EIF3F: variants seen among roughly 807,000 people sequenced by gnomAD.
EIF3F encodes the protein deubiquitinating enzyme eIF3f.
Under a neutral mutation model 36.0 loss-of-function variants are expected in EIF3F, and 8 were observed. That is an observed-to-expected ratio of 0.22 (90% CI 0.13 to 0.40). The LOEUF is 0.40. Among genes scored for constraint, EIF3F ranks in the 10% least tolerant of loss-of-function variants. EIF3F has a pLI of 1.00. For missense variants in EIF3F, 430 were observed against 467.6 expected, an observed-to-expected ratio of 0.92 and a Z score of 0.74; for synonymous variants, 184 against 188.5, an observed-to-expected ratio of 0.98 and a Z score of 0.19.
At chr11:7,987,863 A>G (rs1254348972) in intron 1 of EIF3F, 147 bp downstream of exon 1, 1 of 1,213,800 alleles carries the variant, frequency 8.2e-7, no homozygotes, top group Non-Finnish European at 1.1e-6. Flanking sequence ...TCTGCATCCT[A>G]CCTTTTGCTG....
At position 7,996,621 on chromosome 11, in the gene EIF3F, T is replaced by C. The variant is rs1009947633; in HGVS notation, c.*599T>C. On this transcript the variant is annotated 3_prime_UTR_variant, in exon 8 of 8. Coordinates refer to ENST00000651655, the MANE Select transcript of EIF3F (RefSeq NM_003754.3). ...AACTCGAGGATAGAGCCTTGAGTTA[T>C]ACTGAGGTCTGCCAGTGGCTCAATT... 6.6e-6 allele frequency: 1 copy of C among 152,372 alleles called. No homozygotes were observed. Among genetic ancestry groups the C allele is most frequent in the Non-Finnish European group, 1.5e-5 (1 of 68,176 alleles). The allele number at this position is 152,372 out of a possible 1,614,324, so 9.4% of individuals were successfully genotyped here.
rs949716733 is a variant in EIF3F at position 8,001,819 on chromosome 11, A to C, written c.*5797A>C. 2.0e-5 allele frequency: 3 copies of C among 152,050 alleles called. No individual in the cohort carries two copies. The highest frequency in any genetic ancestry group is 7.2e-5 in the African/African-American group (3 of 41,424). 9.4% of individuals were successfully genotyped at this position (152,050 alleles called of 1,614,324 possible). A position where few individuals can be genotyped will look rare whatever the true frequency, so the allele number is the denominator to read the frequency against. ...TTTTATGCTGTTAATGTAATTTTTC[A>C]AAAAAATATATAAAAATATAAAAAC... On this transcript the variant is annotated 3_prime_UTR_variant, in exon 8 of 8. Transcript: ENST00000651655.
At chr11:7,988,333 C>T (rs1205054155) in intron 1 of EIF3F, among the ~76,000 whole-genome samples, 1 of 152,166 alleles carries the variant, frequency 6.6e-6, no homozygotes, top group Non-Finnish European at 1.5e-5. Flanking sequence ...CTCAGTGTCC[C>T]CTAATATTAG....
intron 4 of EIF3F, among the ~76,000 whole-genome samples, chr11:7,994,210 A>C (rs976323912): frequency 1.3e-5 from 2 of 152,190 alleles, no homozygotes; most frequent in African/African-American, 4.8e-5. Flanking sequence ...GCCAAATGCA[A>C]AGGCCCCCCT....
intron 4 of EIF3F, 46 bp downstream of exon 4, chr11:7,993,070 G>C (rs1409087020): frequency 6.6e-7 from 1 of 1,509,786 alleles, no homozygotes; most frequent in Admixed American, 2.3e-5. Context: ...ATGCCCAGAT[G>C]CCATCCCTCC....
Position 7,995,004 on chromosome 11 carries a change from C to T in EIF3F, c.768C>T (p.Cys256=). ...RIGVDLIMKT[C]FSPNRVIGLS... ...TAGTTGACCTGATCATGAAGACCTGCTTTAGCCCCAACAGAGTGATTGGAC... is the reference window on the plus strand; with the variant it reads ...TAGTTGACCTGATCATGAAGACCTGTTTTAGCCCCAACAGAGTGATTGGAC... Residue 256 remains cysteine, a synonymous_variant, in exon 6 of 8, where the codon TGC becomes TGT. Coordinates refer to ENST00000651655, the MANE Select transcript of EIF3F (RefSeq NM_003754.3). The T allele has an allele frequency of 1.2e-6, 2 of 1,613,546 alleles. No individual in the cohort carries two copies. Among genetic ancestry groups the T allele is most frequent in the Non-Finnish European group, 8.5e-7 (1 of 1,179,850 alleles).
intron 1 of EIF3F, among the ~76,000 whole-genome samples, chr11:7,990,964 G>A (rs910058976): frequency 5.3e-5 from 8 of 152,064 alleles, no homozygotes; most frequent in South Asian, 4.1e-4. Flanking sequence ...GGAGGCTGAG[G>A]CAGGCAGATC....
rs1218357209 is a variant in EIF3F, at chr11:7,998,526, ACCT to A, written c.*2506_*2508del. 1.3e-5 allele frequency: 2 copies of A among 152,210 alleles called. No homozygotes were observed. The highest frequency in any genetic ancestry group is 2.9e-5 in the Non-Finnish European group (2 of 68,032). 9.4% of individuals were successfully genotyped at this position (152,210 alleles called of 1,614,324 possible). A position where few individuals can be genotyped will look rare whatever the true frequency, so the allele number is the denominator to read the frequency against. On this transcript the variant is annotated 3_prime_UTR_variant, in exon 8 of 8. Transcript: ENST00000651655. ...AACTGAAACAAGAAGGCCTTGTTCCACCTCAGCTGGGAACATGGAGAGCAGGCA... is the reference window on the plus strand; with the variant it reads ...AACTGAAACAAGAAGGCCTTGTTCCACAGCTGGGAACATGGAGAGCAGGCA...
In EIF3F at chr11:7,987,469, C is replaced by T. The variant is rs767170137; in HGVS notation, c.117C>T (p.Pro39=). ...CAGCACCGGCTGCGGCTCCGGTTCC[C>T]GCTGCGGCTCCAGCCTCATCCTCAG... ...PTPAPAAAPV[P]AAAPASSSDP... The change falls in exon 1 of 8, where the codon CCC becomes CCT. Residue 39 remains proline, a synonymous_variant. Transcript: ENST00000651655. 1.1e-5 allele frequency: 17 copies of T among 1,605,128 alleles called. No homozygotes were observed. The East Asian group carries it at 2.5e-4, about 23-fold the overall frequency.
In EIF3F at chr11:7,995,959, G is replaced by A; in HGVS notation, c.1011G>A (p.Val337=). Residue 337 remains valine, a synonymous_variant, in exon 8 of 8, where the codon GTG becomes GTA. Transcript: ENST00000651655. ...TTGTCTTCCAGGACCTTTTGATGGT[G>A]ACCTACCTGGCCAACCTCACACAGT... The part of the protein sequence containing the change: ...LNSNINDLLM[V]TYLANLTQSQ... 6.2e-7 allele frequency: 1 copy of A among 1,613,854 alleles called. No homozygotes were observed. The highest frequency in any genetic ancestry group is 8.5e-7 in the Non-Finnish European group (1 of 1,179,818).
chr11:7,993,240 A>G (rs1425593395), intron 4 of EIF3F, among the ~76,000 whole-genome samples: 6 of 152,164 alleles, frequency 3.9e-5, no homozygotes, highest in Non-Finnish European at 8.8e-5. Context: ...GTTTCTACTC[A>G]TTGCCCTTTT....
At position 8,000,678 on chromosome 11, in the gene EIF3F, A is replaced by G. The variant is rs558980006; in HGVS notation, c.*4656A>G. On this transcript the variant is annotated 3_prime_UTR_variant, in exon 8 of 8. Transcript: ENST00000651655. ...TTTAAAGATATCAGAATTCTAGAAT[A>G]TGATAAAGTTGTGTTTTCAAGCAAG... The G allele has an allele frequency of 6.6e-6, 1 of 152,320 alleles. No individual in the cohort carries two copies. The highest frequency in any genetic ancestry group is 2.1e-4 in the South Asian group (1 of 4,822). The allele number at this position is 152,320 out of a possible 1,614,324, so 9.4% of individuals were successfully genotyped here.
intron 7 of EIF3F, 180 bp downstream of exon 7, chr11:7,995,547 ACTTC>A (rs1400317721): frequency 1.3e-5 from 8 of 622,144 alleles, no homozygotes; most frequent in Non-Finnish European, 8.7e-6. Flanking sequence ...GTGGTTGGAG[ACTTC>A]CTTCCTTCTC....
rs925468535 is a variant in EIF3F at position 7,995,585 on chromosome 11, C to G, written c.996+218C>G. On this transcript the variant is annotated intron_variant, in intron 7 of 7. Transcript: ENST00000651655. ...TCCCATGATTCCATTGTCTCATTTA[C>G]TGCTGATACTACTGTGACTTACTGT... 1.7e-5 allele frequency: 10 copies of G among 597,590 alleles called. No individual in the cohort carries two copies. In the African/African-American group the frequency reaches 1.9e-4, roughly 11 times the overall value. The allele number at this position is 597,590 out of a possible 1,614,324, so 37.0% of individuals were successfully genotyped here. A position where few individuals can be genotyped will look rare whatever the true frequency, so the allele number is the denominator to read the frequency against.
Position 7,997,318 on chromosome 11 carries a change from A to G in EIF3F, c.*1296A>G, listed in dbSNP as rs754001770. On this transcript the variant is annotated 3_prime_UTR_variant, in exon 8 of 8. Coordinates refer to ENST00000651655, the MANE Select transcript of EIF3F (RefSeq NM_003754.3). ...TCAGTGTTCTTACATTTTTGGGAGT[A>G]GCCAGTTAATATCAACTTAGTCTTT... 6 of 152,222 alleles carry G rather than the reference A, an allele frequency of 3.9e-5. No individual in the cohort carries two copies. The highest frequency in any genetic ancestry group is 8.8e-5 in the Non-Finnish European group (6 of 68,030). The allele number at this position is 152,222 out of a possible 1,614,324, so 9.4% of individuals were successfully genotyped here. A position where few individuals can be genotyped will look rare whatever the true frequency, so the allele number is the denominator to read the frequency against.
chr11:7,997,760 A>G lies in EIF3F; in HGVS notation c.*1738A>G, dbSNP rs1942176456. The G allele has an allele frequency of 1.3e-5, 2 of 152,346 alleles. No individual in the cohort carries two copies. The highest frequency in any genetic ancestry group is 2.4e-5 in the African/African-American group (1 of 41,578). 9.4% of individuals were successfully genotyped at this position (152,346 alleles called of 1,614,324 possible). On this transcript the variant is annotated 3_prime_UTR_variant, in exon 8 of 8. Coordinates refer to ENST00000651655, the MANE Select transcript of EIF3F (RefSeq NM_003754.3). ...AAAAACAAGTGAAACTTGTTTAGAC[A>G]TGCGGTTGGCTGTCTGTATATGTGG...
intron 3 of EIF3F, 173 bp downstream of exon 3, chr11:7,992,336 G>A: frequency 3.1e-6 from 2 of 637,086 alleles, no homozygotes; most frequent in Non-Finnish European, 5.4e-6. Flanking sequence ...GGAGGCTGAG[G>A]CAGGAGGATC....
At chr11:7,989,126 T>A (rs1035086770) in intron 1 of EIF3F, among the ~76,000 whole-genome samples, 2 of 152,184 alleles carry the variant, frequency 1.3e-5, no homozygotes, top group Admixed American at 1.3e-4. Context: ...CTCCATCCCA[T>A]ACCCGGACCC....
chr11:7,987,386 C>G lies in EIF3F; in HGVS notation c.34C>G (p.Pro12Ala), dbSNP rs774504825. 1.3e-6 allele frequency: 2 copies of G among 1,599,046 alleles called. No individual in the cohort carries two copies. The highest frequency in any genetic ancestry group is 4.5e-5 in the East Asian group (2 of 44,778). ...ATPAVPVSAP[P>A]ATPTPVPAAA... ...ACCGGCGGTACCAGTAAGTGCTCCT[C>G]CGGCCACGCCAACCCCAGTCCCGGC... Residue 12 changes from proline (P) to alanine (A), a missense_variant, in exon 1 of 8, where the codon CCG becomes GCG. Pro to Ala is a conservative substitution (Grantham distance 27, BLOSUM62 -1). Around this residue, in one of 2 missense-constraint regions of EIF3F, gnomAD observed 168 missense variants for 120.2 expected, o/e 1.40. Transcript: ENST00000651655.
Sources: allele counts gnomAD v4.1 joint callset (sites outside exome capture counted in the v4.1 genomes callset), GRCh38; gene constraint gnomAD v4.1.1; regional missense constraint gnomAD v4.1.1; transcripts MANE v1.5; gene names NCBI Gene and HGNC (gene_info 2026-07-23, HGNC 2026-07-21).